The following ZNF385C variants were observed in gnomAD, a reference collection of about 807,000 sequenced individuals.
ZNF385C encodes the protein CTD-2132N18.2.
In ZNF385C, 28 loss-of-function variants were observed where a neutral mutation model predicts 35.4. The observed-to-expected ratio is 0.79, with a 90% CI of 0.59 to 1.08. The LOEUF (loss-of-function observed/expected upper bound fraction) is 1.08, where lower values mean the gene tolerates loss of function less well. Among genes scored for constraint, ZNF385C ranks in the 50% least tolerant of loss-of-function variants. The probability of loss-of-function intolerance (pLI) is 0.00; values close to 1 mark genes in which losing one functional copy is unlikely to be tolerated. For synonymous variants in ZNF385C, 248 were observed against 248.2 expected, an observed-to-expected ratio of 1.00 and a Z score of 0.01; for missense variants, 605 against 595.6, an observed-to-expected ratio of 1.02 and a Z score of -0.16.
intron 1 of ZNF385C, among the ~76,000 whole-genome samples, chr17:42,076,940 C>A (rs1365135478): frequency 6.6e-6 from 1 of 152,100 alleles, no homozygotes; most frequent in Non-Finnish European, 1.5e-5. Flanking sequence ...GGGATTCAGG[C>A]CCCTTAAATA....
chr17:42,048,030 C>T (rs183763432), intron 2 of ZNF385C, among the ~76,000 whole-genome samples: 13 of 152,168 alleles, frequency 8.5e-5, no homozygotes, highest in African/African-American at 2.9e-4. Context: ...CTTCTAGGAT[C>T]CCATGTTCCT....
At chr17:42,030,430 G>T (rs1323218874) in intron 5 of ZNF385C, among the ~76,000 whole-genome samples, 1 of 152,060 alleles carries the variant, frequency 6.6e-6, no homozygotes, top group Non-Finnish European at 1.5e-5. Flanking sequence ...AGAGGTTGCA[G>T]TGAGCCAAGA....
chr17:42,041,000 C>A, intron 2 of ZNF385C: 2 of 1,232,296 alleles, frequency 1.6e-6, no homozygotes, highest in Non-Finnish European at 2.0e-6. Flanking sequence ...GTGGCCTCGC[C>A]CTCCTGTAGC....
chr17:42,089,414 G>A (rs527505114), intron 1 of ZNF385C, among the ~76,000 whole-genome samples: 1 of 152,160 alleles, frequency 6.6e-6, no homozygotes. Context: ...TGCTTTAGGA[G>A]AATGCTTGCC....
chr17:42,040,630 C>G (rs1272099423), intron 2 of ZNF385C: 47 of 1,232,264 alleles, frequency 3.8e-5, no homozygotes, highest in Non-Finnish European at 4.6e-5. Context: ...CAGGCCAGGC[C>G]AGGCCTCGGC....
At chr17:42,034,105 A>G (rs1180332118) in intron 4 of ZNF385C, 120 bp downstream of exon 4, 7 of 802,482 alleles carry the variant, frequency 8.7e-6, no homozygotes, top group African/African-American at 1.7e-5. Flanking sequence ...CAGGGTGGAA[A>G]ATACCGACCA....
chr17:42,027,272 C>T lies in ZNF385C; in HGVS notation c.1276-139G>A, dbSNP rs368927627. 2.0e-5 allele frequency: 15 copies of T among 763,496 alleles called. No individual in the cohort carries two copies. The East Asian group carries it at 3.6e-4, about 18-fold the overall frequency. 47.3% of individuals were successfully genotyped at this position (763,496 alleles called of 1,614,324 possible). ...AAACCTAAATCCTCCTCCCTTCCCA[C>T]CCCCAAACATTCATTCCGAAGGGCT... On this transcript the variant is annotated intron_variant, in intron 8 of 8. Transcript: ENST00000692273.
rs909523679 is a variant in ZNF385C, at chr17:42,050,401, C to T, written c.250+12406G>A. ...TCACGCATCCTCCCGGGGGCTGGGA[C>T]GGGGAGGGCTGAGGAACTTCCTCTG... is the stretch of plus-strand genomic sequence containing the variant. On this transcript the variant is annotated intron_variant, in intron 2 of 8. Transcript: ENST00000692273. The surrounding 1 kb of genome is among the most constrained non-coding windows in gnomAD (Gnocchi z 5.6). Among the ~76,000 whole-genome samples, 4 of 152,070 alleles carry T rather than the reference C, an allele frequency of 2.6e-5. No homozygotes were observed. In the South Asian group the frequency reaches 8.3e-4, roughly 31 times the overall value.
At chr17:42,051,585 A>G (rs1479139230) in intron 2 of ZNF385C, among the ~76,000 whole-genome samples, 2 of 152,050 alleles carry the variant, frequency 1.3e-5, no homozygotes, top group African/African-American at 4.8e-5. Context: ...CTGAAGACCA[A>G]ATGAGGTGCT....
chr17:42,069,969 G>A (rs2053600929), intron 1 of ZNF385C, among the ~76,000 whole-genome samples: 1 of 152,090 alleles, frequency 6.6e-6, no homozygotes, highest in Non-Finnish European at 1.5e-5. Flanking sequence ...TTGAACCTGG[G>A]AGGCAGAGGT....
At chr17:42,064,316 CAG>C (rs1274601917) in intron 1 of ZNF385C, among the ~76,000 whole-genome samples, 5 of 152,242 alleles carry the variant, frequency 3.3e-5, no homozygotes, top group East Asian at 1.9e-4. Context: ...CTGCTTCAGA[CAG>C]GGGCTTCCTG....
At chr17:42,029,705 C>T (rs1244522951) in intron 5 of ZNF385C, among the ~76,000 whole-genome samples, 3 of 151,476 alleles carry the variant, frequency 2.0e-5, no homozygotes, top group Admixed American at 6.6e-5. Context: ...CAGAGTGAAA[C>T]GCCATCTCAA....
chr17:42,043,495 A>T, intron 2 of ZNF385C: 1 of 882,962 alleles, frequency 1.1e-6, no homozygotes, highest in East Asian at 3.3e-5. Context: ...GGCTGGGGGC[A>T]GCCCGCCAGG....
chr17:42,036,453 G>C (rs1462138000), intron 3 of ZNF385C, among the ~76,000 whole-genome samples: 5 of 152,058 alleles, frequency 3.3e-5, no homozygotes, highest in Non-Finnish European at 7.4e-5. Flanking sequence ...AGCACTTTGG[G>C]AGGCCGAGGT....
chr17:42,094,197 G>A (rs2053893690), intron 1 of ZNF385C, among the ~76,000 whole-genome samples: 1 of 151,990 alleles, frequency 6.6e-6, no homozygotes, highest in Admixed American at 6.6e-5. Flanking sequence ...TGGCCAGGCT[G>A]GTTTCGAACT....
At chr17:42,067,546 C>G (rs1014430328) in intron 1 of ZNF385C, among the ~76,000 whole-genome samples, 1 of 152,166 alleles carries the variant, frequency 6.6e-6, no homozygotes, top group African/African-American at 2.4e-5. Context: ...TCCCCACACT[C>G]AAGGGGCAAT....
At chr17:42,029,723 C>T (rs1298452311) in intron 5 of ZNF385C, among the ~76,000 whole-genome samples, 1 of 148,340 alleles carries the variant, frequency 6.7e-6, no homozygotes, top group Non-Finnish European at 1.5e-5. Context: ...CAAAAACAAA[C>T]AAACAAACAA....
intron 3 of ZNF385C, among the ~76,000 whole-genome samples, chr17:42,035,315 GC>G (rs1404733036): frequency 6.6e-6 from 1 of 151,656 alleles, no homozygotes; most frequent in African/African-American, 2.4e-5. Context: ...ATCTCTTGGT[GC>G]CCCTTAGGTC....
intron 3 of ZNF385C, among the ~76,000 whole-genome samples, chr17:42,035,404 G>C (rs1555655336): frequency 2.0e-5 from 3 of 151,856 alleles, no homozygotes; most frequent in African/African-American, 7.3e-5. Flanking sequence ...AGGAGAGGCA[G>C]GGAAGAGACA....
Sources: gnomAD v4.1 joint callset for allele counts (sites outside exome capture counted in the v4.1 genomes callset) on GRCh38, gnomAD v4.1.1 for gene constraint, Gnocchi (gnomAD v3.1) non-coding constraint, MANE v1.5 for transcripts, NCBI Gene and HGNC (gene_info 2026-07-23, HGNC 2026-07-21) for gene names.